The following SESTD1 variants were observed in gnomAD, a reference collection of about 807,000 sequenced individuals.
SESTD1 encodes the protein SEC14 domain and spectrin repeat-containing protein 1.
In SESTD1, 43 loss-of-function variants were observed where a neutral mutation model predicts 101.7. That is an observed-to-expected ratio of 0.42 (90% CI 0.33 to 0.55). The LOEUF is 0.55. SESTD1 is among the 20% of genes least tolerant of loss of function. The pLI, the probability that SESTD1 is intolerant of heterozygous loss-of-function variation, is 0.07. For missense variants in SESTD1, 647 were observed against 815.1 expected (o/e 0.79, Z 2.51); for synonymous variants, 283 against 286.8 (o/e 0.99, Z 0.13).
At chr2:179,203,030 G>T (rs2046541287) in intron 1 of SESTD1, among the ~76,000 whole-genome samples, 1 of 135,060 alleles carries the variant, frequency 7.4e-6, no homozygotes, top group Non-Finnish European at 1.6e-5. Flanking sequence ...GTCAGAGGGG[G>T]TGGGGGAGAT....
At chr2:179,144,046 A>G (rs1251600617) in intron 8 of SESTD1, among the ~76,000 whole-genome samples, 1 of 152,010 alleles carries the variant, frequency 6.6e-6, no homozygotes, top group Non-Finnish European at 1.5e-5. Context: ...TTAAAATGCT[A>G]TATCATATAT....
chr2:179,245,974 A>T (rs773556396), intron 1 of SESTD1, among the ~76,000 whole-genome samples: 2 of 152,190 alleles, frequency 1.3e-5, no homozygotes, highest in Non-Finnish European at 2.9e-5. Flanking sequence ...AACATTAACC[A>T]GGCTGGGCAC....
At chr2:179,261,115 T>C (rs114541464) in intron 1 of SESTD1, among the ~76,000 whole-genome samples, 221 of 152,318 alleles carry the variant, frequency 1.5e-3, no homozygotes, top group African/African-American at 5.0e-3. Context: ...TGTTACTAGG[T>C]TGAATCACTC....
At chr2:179,111,968 T>C (rs1211202960) in intron 17 of SESTD1, among the ~76,000 whole-genome samples, 1 of 152,040 alleles carries the variant, frequency 6.6e-6, no homozygotes, top group African/African-American at 2.4e-5. Context: ...ATCCGCCCGC[T>C]TTGGCCTCCC....
intron 6 of SESTD1, among the ~76,000 whole-genome samples, chr2:179,150,585 G>C (rs1235219189): frequency 1.3e-5 from 2 of 151,948 alleles, no homozygotes; most frequent in South Asian, 4.2e-4. Context: ...ACTTTGGAAG[G>C]CCGAGGCAGG....
chr2:179,237,520 T>C (rs1467127329), intron 1 of SESTD1, among the ~76,000 whole-genome samples: 4 of 152,178 alleles, frequency 2.6e-5, no homozygotes, highest in African/African-American at 9.6e-5. Context: ...TTTACCATTG[T>C]GTGTGTGTCC....
At chr2:179,224,613 C>T (rs2046858065) in intron 1 of SESTD1, among the ~76,000 whole-genome samples, 1 of 152,126 alleles carries the variant, frequency 6.6e-6, no homozygotes, top group South Asian at 2.1e-4. Flanking sequence ...AGAGTTGGAA[C>T]TTTCAGTCCA....
At chr2:179,183,896 G>A (rs1173968400) in intron 2 of SESTD1, among the ~76,000 whole-genome samples, 1 of 151,548 alleles carries the variant, frequency 6.6e-6, no homozygotes, top group Non-Finnish European at 1.5e-5. Flanking sequence ...GAGGAAACGA[G>A]GAAGGGAGGT....
chr2:179,118,586 A>T (rs1489068876), intron 13 of SESTD1, among the ~76,000 whole-genome samples: 1 of 152,230 alleles, frequency 6.6e-6, no homozygotes, highest in Non-Finnish European at 1.5e-5. Context: ...CTCTGAATAA[A>T]AGCTATAACA....
At chr2:179,242,349 T>C (rs2047166114) in intron 1 of SESTD1, among the ~76,000 whole-genome samples, 1 of 152,206 alleles carries the variant, frequency 6.6e-6, no homozygotes, top group Admixed American at 6.5e-5. Context: ...TACATGTTCA[T>C]GAATTGGAAG....
chr2:179,166,245 A>G (rs1456140506), intron 5 of SESTD1, among the ~76,000 whole-genome samples: 1 of 152,196 alleles, frequency 6.6e-6, no homozygotes, highest in Non-Finnish European at 1.5e-5. Flanking sequence ...AAGACTGGAA[A>G]TAAGAGGAAT....
At chr2:179,148,437 G>C (rs2045442245) in intron 7 of SESTD1, among the ~76,000 whole-genome samples, 1 of 152,152 alleles carries the variant, frequency 6.6e-6, no homozygotes, top group Admixed American at 6.5e-5. Flanking sequence ...AAGTTCAAGG[G>C]AAATCTGTTA....
At chr2:179,149,216 C>T in intron 7 of SESTD1, 81 bp downstream of exon 7, 2 of 941,900 alleles carry the variant, frequency 2.1e-6, no homozygotes, top group Non-Finnish European at 3.2e-6. Flanking sequence ...GTTCTTTTAG[C>T]TTGCATTAAC....
rs758652669 is a variant in SESTD1, at chr2:179,116,731, G to A, written c.1584C>T (p.Gly528=). Residue 528 remains glycine, a synonymous_variant, in exon 15 of 18, where the codon GGC becomes GGT. Transcript: ENST00000428443. ...DALLKTHIRL[G]DDAQETKVLL... Reference sequence around the variant, plus strand: ...AAACTTTCGTTTCTTGAGCATCATCGCCCAATCTGATGTGAGTCTTAAGCA... The same window carrying A: ...AAACTTTCGTTTCTTGAGCATCATCACCCAATCTGATGTGAGTCTTAAGCA... The A allele has an allele frequency of 4.3e-6, 7 of 1,614,016 alleles. No individual in the cohort carries two copies. Among genetic ancestry groups the A allele is most frequent in the African/African-American group, 1.3e-5 (1 of 75,000 alleles).
chr2:179,136,604 T>C (rs1050020331), intron 9 of SESTD1, among the ~76,000 whole-genome samples: 1 of 152,174 alleles, frequency 6.6e-6, no homozygotes, highest in African/African-American at 2.4e-5. Flanking sequence ...AATGTAATTA[T>C]TTTACTAGAA....
intron 1 of SESTD1, among the ~76,000 whole-genome samples, chr2:179,225,738 GA>G (rs2046875890): frequency 1.3e-5 from 2 of 152,158 alleles, no homozygotes; most frequent in African/African-American, 4.8e-5. Context: ...TCATGTGACA[GA>G]AAAGTGGGAG....
chr2:179,119,353 T>C (rs922439196), intron 13 of SESTD1, among the ~76,000 whole-genome samples: 2 of 152,186 alleles, frequency 1.3e-5, no homozygotes, highest in Non-Finnish European at 2.9e-5. Context: ...TGGTAGCTGA[T>C]GGTAACTTTA....
At chr2:179,225,496 T>C (rs902955062) in intron 1 of SESTD1, among the ~76,000 whole-genome samples, 1 of 152,150 alleles carries the variant, frequency 6.6e-6, no homozygotes, top group Non-Finnish European at 1.5e-5. Context: ...TTTAATGAAA[T>C]ATGTCTGGGT....
chr2:179,183,932 C>T (rs1198337760), intron 2 of SESTD1, among the ~76,000 whole-genome samples: 4 of 151,312 alleles, frequency 2.6e-5, no homozygotes, highest in Admixed American at 2.6e-4. Flanking sequence ...GAAAGGAAAA[C>T]GGGTAGAATT....
Sources: gnomAD v4.1 joint callset for allele counts (sites outside exome capture counted in the v4.1 genomes callset) on GRCh38, gnomAD v4.1.1 for gene constraint, MANE v1.5 for transcripts, NCBI Gene and HGNC (gene_info 2026-07-23, HGNC 2026-07-21) for gene names.